The following KLF12 variants were observed in gnomAD, a reference collection of about 807,000 sequenced individuals.
KLF12 encodes KLF transcription factor 12, also known as Krueppel-like factor 12.
Under a neutral mutation model 37.8 loss-of-function variants are expected in KLF12, and 9 were observed. The observed-to-expected ratio is 0.24, with a 90% CI of 0.14 to 0.42. The LOEUF (loss-of-function observed/expected upper bound fraction) is 0.42. Among genes scored for constraint, KLF12 ranks in the 10% least tolerant of loss-of-function variants. KLF12 has a pLI of 1.00. For synonymous variants in KLF12, 208 were observed against 202.1 expected (o/e 1.03, Z -0.25); for missense variants, 411 against 516.0 (o/e 0.80, Z 1.97).
At chr13:74,297,672 C>T in the KLF12 span, among the ~76,000 whole-genome samples, 1 of 152,052 alleles carries the variant, frequency 6.6e-6, no homozygotes, top group Non-Finnish European at 1.5e-5. Flanking sequence ...AAAATCCTAC[C>T]TAGAAATAAA....
At chr13:74,138,209 A>C (rs1261777627), upstream of KLF12, among the ~76,000 whole-genome samples, 1 of 152,228 alleles carries the variant, frequency 6.6e-6, no homozygotes, top group African/African-American at 2.4e-5. Context: ...GATTTCAAGG[A>C]ATAGGGTAGG....
At chr13:73,714,424 G>C (rs1171895530) in intron 7 of KLF12, among the ~76,000 whole-genome samples, 1 of 152,244 alleles carries the variant, frequency 6.6e-6, no homozygotes, top group Non-Finnish European at 1.5e-5. Context: ...ATGGGAATCT[G>C]TTACATGTGA....
In KLF12 at chr13:73,981,723, C is replaced by T. The variant is rs148755377; in HGVS notation, c.33+13267G>A. ...TCTCCACTGCAGTGGTAATAAGAGG[C>T]GGTGCCTTTTAGGAGGTGATTTACG... On this transcript the variant is annotated intron_variant, in intron 2 of 7. Transcript: ENST00000377669. 1.5e-3 allele frequency among the ~76,000 whole-genome samples: 234 copies of T among 152,250 alleles called. 1 individual carries two copies. The highest frequency in any genetic ancestry group is 5.5e-3 in the African/African-American group (230 of 41,558).
At chr13:73,819,932 G>A (rs986863642) in intron 4 of KLF12, among the ~76,000 whole-genome samples, 2 of 152,166 alleles carry the variant, frequency 1.3e-5, no homozygotes, top group Non-Finnish European at 2.9e-5. Context: ...ATGTGCCTGA[G>A]GACCTGCAAG....
chr13:74,092,802 A>G (rs1228328884), intron 1 of KLF12, among the ~76,000 whole-genome samples: 1 of 152,194 alleles, frequency 6.6e-6, no homozygotes, highest in Non-Finnish European at 1.5e-5. Flanking sequence ...CATTTTTCCT[A>G]AGGAGACATG....
At chr13:73,879,642 A>G (rs17061631) in intron 3 of KLF12, among the ~76,000 whole-genome samples, 21,510 of 152,206 alleles carry the variant, frequency 0.14, 2,345 homozygotes, top group African/African-American at 0.31. Context: ...GATCAATCCT[A>G]TGAAGATATC....
At chr13:73,784,902 C>T (rs959370279) in intron 5 of KLF12, among the ~76,000 whole-genome samples, 12 of 151,974 alleles carry the variant, frequency 7.9e-5, no homozygotes, top group Non-Finnish European at 1.6e-4. Context: ...TCCCAAAGTG[C>T]TGAGATTACA....
Position 73,688,769 on chromosome 13 carries a change from T to C in KLF12, c.*6721A>G, listed in dbSNP as rs1404325604. ...CCGATATTTCACTTGAAAAATATGA[T>C]GACTACTCATGCATGTTGTCCATAA... On this transcript the variant is annotated 3_prime_UTR_variant, in exon 8 of 8. Coordinates refer to ENST00000377669, the MANE Select transcript of KLF12 (RefSeq NM_007249.5). 2 of 152,178 alleles carry C rather than the reference T, an allele frequency of 1.3e-5. No homozygotes were observed. The highest frequency in any genetic ancestry group is 1.9e-4 in the East Asian group (1 of 5,188). 9.4% of individuals were successfully genotyped at this position (152,178 alleles called of 1,614,324 possible). A position where few individuals can be genotyped will look rare whatever the true frequency, so the allele number is the denominator to read the frequency against.
rs562461339 is a variant in KLF12, at chr13:73,815,598, C to T, written c.671-2311G>A. On this transcript the variant is annotated intron_variant, in intron 4 of 7. Coordinates refer to ENST00000377669, the MANE Select transcript of KLF12 (RefSeq NM_007249.5). The stretch of plus-strand genomic sequence containing the variant: ...CCAAGAAAATGAATATCAGATCTAT[C>T]TAAGCTTCCAAATCACATATTGTAT... 6.6e-5 allele frequency among the ~76,000 whole-genome samples: 10 copies of T among 152,320 alleles called. No individual in the cohort carries two copies. In the South Asian group the frequency reaches 1.7e-3, roughly 25 times the overall value.
chr13:73,931,446 C>CA (rs1309729420), intron 3 of KLF12, among the ~76,000 whole-genome samples: 1 of 151,990 alleles, frequency 6.6e-6, no homozygotes, highest in Admixed American at 6.6e-5. Context: ...AAGATTAAGG[C>CA]AAAATCTCTA....
At chr13:74,270,177 A>G in the KLF12 span, among the ~76,000 whole-genome samples, 1 of 152,058 alleles carries the variant, frequency 6.6e-6, no homozygotes, top group African/African-American at 2.4e-5. Context: ...CTTTTTTTTC[A>G]TGATGAGCCG....
chr13:73,711,342 T>A (rs1001407484), intron 7 of KLF12, among the ~76,000 whole-genome samples: 2 of 152,228 alleles, frequency 1.3e-5, no homozygotes, highest in Non-Finnish European at 2.9e-5. Context: ...TATTGAAAGA[T>A]GTCATGTAGG....
chr13:73,942,082 T>A (rs964203532), intron 3 of KLF12, among the ~76,000 whole-genome samples: 52 of 152,308 alleles, frequency 3.4e-4, no homozygotes, highest in African/African-American at 1.3e-3. Context: ...GTGGCTTTTG[T>A]TTTTTGTGCA....
the KLF12 span, among the ~76,000 whole-genome samples, chr13:74,172,141 C>CAACACACACACACA: frequency 8.1e-5 from 1 of 12,316 alleles, no homozygotes; most frequent in Non-Finnish European, 2.7e-4. Context: ...ATTTTCCTCA[C>CAACACACACACACA]GACACACACA....
intron 3 of KLF12, among the ~76,000 whole-genome samples, chr13:73,886,625 T>C (rs571359406): frequency 5.9e-5 from 9 of 151,952 alleles, no homozygotes; most frequent in Non-Finnish European, 1.3e-4. Flanking sequence ...CCCCAGAACT[T>C]AAAAGTTGAT....
At chr13:74,056,398 T>C (rs1566521624) in intron 1 of KLF12, among the ~76,000 whole-genome samples, 2 of 152,256 alleles carry the variant, frequency 1.3e-5, no homozygotes, top group African/African-American at 2.4e-5. Flanking sequence ...CTTTTATTGC[T>C]CACTTGTCAT....
chr13:73,842,907 G>C (rs983159324), intron 4 of KLF12, among the ~76,000 whole-genome samples: 1 of 152,128 alleles, frequency 6.6e-6, no homozygotes, highest in Non-Finnish European at 1.5e-5. Flanking sequence ...AGGTAGGCAG[G>C]CTTCTTCCAC....
intron 1 of KLF12, among the ~76,000 whole-genome samples, chr13:74,130,298 C>T (rs1294132643): frequency 6.6e-6 from 1 of 152,156 alleles, no homozygotes; most frequent in Non-Finnish European, 1.5e-5. Context: ...TAAGCCATTT[C>T]CAGTCTATGA....
intron 5 of KLF12, among the ~76,000 whole-genome samples, chr13:73,807,885 C>G (rs925900909): frequency 1.3e-5 from 2 of 152,150 alleles, no homozygotes; most frequent in African/African-American, 4.8e-5. Context: ...CCAGGGAGTG[C>G]TCCCTTTCAG....
Sources: allele counts gnomAD v4.1 joint callset (sites outside exome capture counted in the v4.1 genomes callset), GRCh38; gene constraint gnomAD v4.1.1; transcripts MANE v1.5; gene names NCBI Gene and HGNC (gene_info 2026-07-23, HGNC 2026-07-21).